The following ROBO1 variants were observed in gnomAD, a reference collection of about 807,000 sequenced individuals.
ROBO1 encodes the protein roundabout guidance receptor 1.
Under a neutral mutation model 195.9 loss-of-function variants are expected in ROBO1, and 149 were observed. The ratio of observed to expected loss-of-function variants is 0.76; its 90% confidence interval spans 0.67 to 0.87. ROBO1 has a LOEUF of 0.87. Among genes scored for constraint, ROBO1 ranks in the 40% least tolerant of loss-of-function variants. The pLI is 0.00. For synonymous variants in ROBO1, 816 were observed against 733.2 expected, an observed-to-expected ratio of 1.11 and a Z score of -1.82; for missense variants, 1,933 against 2,068.3, an observed-to-expected ratio of 0.93 and a Z score of 1.27.
At chr3:79,587,778 G>T (rs1943875167) in intron 2 of ROBO1, among the ~76,000 whole-genome samples, 1 of 151,656 alleles carries the variant, frequency 6.6e-6, no homozygotes, top group Non-Finnish European at 1.5e-5. Context: ...ATCATTCTGA[G>T]ATTAATGAAA....
chr3:79,169,174 G>C (rs1189846020), intron 2 of ROBO1, among the ~76,000 whole-genome samples: 1 of 152,122 alleles, frequency 6.6e-6, no homozygotes, highest in Non-Finnish European at 1.5e-5. Flanking sequence ...ATCTCTTCAA[G>C]AGTACATATT....
intron 3 of ROBO1, among the ~76,000 whole-genome samples, chr3:79,013,322 C>A (rs1261186219): frequency 6.6e-6 from 1 of 152,162 alleles, no homozygotes; most frequent in Non-Finnish European, 1.5e-5. Context: ...GCATCACCAG[C>A]AGACAATGTT....
intron 4 of ROBO1, among the ~76,000 whole-genome samples, chr3:78,808,407 GT>G (rs2084618575): frequency 7.2e-5 from 11 of 152,034 alleles, no homozygotes; most frequent in Admixed American, 7.2e-4. Context: ...GTTTCACCAT[GT>G]TGATCAGGCT....
At chr3:79,363,001 G>C (rs955762721) in intron 2 of ROBO1, among the ~76,000 whole-genome samples, 3 of 152,164 alleles carry the variant, frequency 2.0e-5, no homozygotes, top group South Asian at 2.1e-4. Flanking sequence ...AGATTGGAAA[G>C]GGTACATAAG....
chr3:78,973,122 G>C (rs2076805650), intron 3 of ROBO1, among the ~76,000 whole-genome samples: 1 of 152,122 alleles, frequency 6.6e-6, no homozygotes, highest in African/African-American at 2.4e-5. Context: ...AGTTTTTGCT[G>C]TCTTGTTGTT....
chr3:79,058,873 T>C lies in ROBO1; in HGVS notation c.172+66583A>G, dbSNP rs182476041. Among the ~76,000 whole-genome samples, 3 of 152,222 alleles carry C rather than the reference T, an allele frequency of 2.0e-5. No individual in the cohort carries two copies. In the East Asian group the frequency reaches 5.8e-4, roughly 30 times the overall value. Reference sequence around the variant, plus strand: ...TCTAAGAGATTTGTTTTCACTTTAATCGCTGTTATAATGGGCCTAAATACA... The same window carrying C: ...TCTAAGAGATTTGTTTTCACTTTAACCGCTGTTATAATGGGCCTAAATACA... On this transcript the variant is annotated intron_variant, in intron 3 of 30. Coordinates refer to ENST00000464233, the MANE Select transcript of ROBO1 (RefSeq NM_002941.4).
At chr3:79,549,119 G>C (rs1048820289) in intron 2 of ROBO1, among the ~76,000 whole-genome samples, 2 of 152,040 alleles carry the variant, frequency 1.3e-5, no homozygotes, top group African/African-American at 4.8e-5. Context: ...ATGTTTGAAG[G>C]GGAAAATTGA....
chr3:78,848,494 G>A (rs1451216933), intron 4 of ROBO1, among the ~76,000 whole-genome samples: 1 of 152,124 alleles, frequency 6.6e-6, no homozygotes, highest in East Asian at 1.9e-4. Context: ...ACAATGAGGT[G>A]CAGGTTGCTG....
rs558666866 is a variant in ROBO1, at chr3:79,587,236, A to G, written c.88+2588T>C. Among the ~76,000 whole-genome samples the G allele has an allele frequency of 3.3e-5, 5 of 151,974 alleles. No individual in the cohort carries two copies. The South Asian group carries it at 1.0e-3, about 32-fold the overall frequency. ...GAGACAAAATGAAAAATGAAAAAAA[A>G]AATTGAGCTGGGCAATCCATCAGTT... On this transcript the variant is annotated intron_variant, in intron 2 of 30. Transcript: ENST00000464233.
intron 1 of ROBO1, among the ~76,000 whole-genome samples, chr3:79,696,650 A>G (rs1418048714): frequency 6.6e-6 from 1 of 151,334 alleles, no homozygotes; most frequent in Non-Finnish European, 1.5e-5. Flanking sequence ...AACTAAACTG[A>G]TCTCTAAAAA....
chr3:78,785,604 A>T (rs1393301508), intron 4 of ROBO1, among the ~76,000 whole-genome samples: 2 of 152,132 alleles, frequency 1.3e-5, no homozygotes, highest in Non-Finnish European at 2.9e-5. Context: ...ATTCCTTCTT[A>T]ACTGAAGATA....
At chr3:79,529,455 C>A (rs1420192277) in intron 2 of ROBO1, among the ~76,000 whole-genome samples, 1 of 151,980 alleles carries the variant, frequency 6.6e-6, no homozygotes, top group Admixed American at 6.6e-5. Context: ...CCAGCCTGGG[C>A]GACAGAGTGA....
intron 3 of ROBO1, among the ~76,000 whole-genome samples, chr3:79,113,256 GA>G (rs2079924173): frequency 6.6e-6 from 1 of 152,138 alleles, no homozygotes; most frequent in Non-Finnish European, 1.5e-5. Context: ...TCAAAAGATA[GA>G]ATTTTATCCT....
chr3:79,194,428 T>C (rs1444545133), intron 2 of ROBO1, among the ~76,000 whole-genome samples: 1 of 151,630 alleles, frequency 6.6e-6, no homozygotes, highest in Non-Finnish European at 1.5e-5. Flanking sequence ...AGGTTCAAAT[T>C]TCTTTATACG....
intron 2 of ROBO1, among the ~76,000 whole-genome samples, chr3:79,573,138 C>T (rs534747050): frequency 7.9e-5 from 12 of 152,222 alleles, no homozygotes; most frequent in Middle Eastern, 3.4e-3. Flanking sequence ...CAGCCTCCAT[C>T]GGCTGGCTCA....
At chr3:79,138,189 T>C (rs1203273804) in intron 2 of ROBO1, among the ~76,000 whole-genome samples, 2 of 152,030 alleles carry the variant, frequency 1.3e-5, no homozygotes, top group Non-Finnish European at 2.9e-5. Flanking sequence ...CAAAGATGAA[T>C]CTTTTGGTGT....
At chr3:78,621,773 A>G (rs1704470484) in intron 26 of ROBO1, among the ~76,000 whole-genome samples, 1 of 152,218 alleles carries the variant, frequency 6.6e-6, no homozygotes, top group African/African-American at 2.4e-5. Context: ...GTCTCCTGCA[A>G]GAATGATGCC....
chr3:79,651,629 C>T (rs1946011250), intron 1 of ROBO1, among the ~76,000 whole-genome samples: 1 of 152,158 alleles, frequency 6.6e-6, no homozygotes, highest in South Asian at 2.1e-4. Context: ...GCAACGCTAG[C>T]ACCCCGGGAG....
At position 78,957,327 on chromosome 3, in the gene ROBO1, A is replaced by T. The variant is rs555058314; in HGVS notation, c.173-18400T>A. Among the ~76,000 whole-genome samples the T allele has an allele frequency of 2.5e-3, 379 of 151,334 alleles. 1 individual carries two copies. Among genetic ancestry groups the T allele is most frequent in the African/African-American group, 8.9e-3 (361 of 40,756 alleles). On this transcript the variant is annotated intron_variant, in intron 3 of 30. Transcript: ENST00000464233. ...CAAAAAAAAAAAAAAACCTTCAAAA[A>T]AACAAAAACAGTAAGTGGTACCTGT...
Sources: allele counts gnomAD v4.1 joint callset (sites outside exome capture counted in the v4.1 genomes callset), GRCh38; gene constraint gnomAD v4.1.1; transcripts MANE v1.5; gene names NCBI Gene and HGNC (gene_info 2026-07-23, HGNC 2026-07-21).